BRCA1: variants seen among roughly 807,000 people sequenced by gnomAD.
BRCA1 encodes BRCA1 DNA repair associated.
Under a neutral mutation model 173.7 loss-of-function variants are expected in BRCA1, and 140 were observed. The observed-to-expected ratio is 0.81, with a 90% CI of 0.70 to 0.93. BRCA1 has a LOEUF of 0.93. Among genes scored for constraint, BRCA1 ranks in the 40% least tolerant of loss-of-function variants. The pLI, the probability that BRCA1 is intolerant of heterozygous loss-of-function variation, is 0.00. For missense variants in BRCA1, 1,983 were observed against 2,172.5 expected (o/e 0.91, Z 1.73); for synonymous variants, 662 against 756.0 (o/e 0.88, Z 2.04).
upstream of BRCA1, among the ~76,000 whole-genome samples, chr17:43,130,265 C>T (rs970164198): frequency 2.0e-5 from 3 of 152,188 alleles, no homozygotes; most frequent in African/African-American, 4.8e-5. Flanking sequence ...CCTTCCACCT[C>T]AGCCTCCCAA....
intron 2 of BRCA1, among the ~76,000 whole-genome samples, chr17:43,118,523 T>G (rs1423298867): frequency 1.3e-5 from 2 of 151,830 alleles, no homozygotes; most frequent in Non-Finnish European, 2.9e-5. Context: ...ACTAAAGGCA[T>G]GCACCACCAT....
At chr17:43,139,949 AT>A (rs1366017076) in intron 1 of BRCA1, 2 of 494,516 alleles carry the variant, frequency 4.0e-6, no homozygotes, top group Non-Finnish European at 8.4e-6. Flanking sequence ...GGATTCCTAA[AT>A]CCCTTGGAAT....
chr17:43,099,129 C>T (rs1567805501), intron 7 of BRCA1, among the ~76,000 whole-genome samples: 1 of 151,012 alleles, frequency 6.6e-6, no homozygotes, highest in African/African-American at 2.4e-5. Context: ...GGCAATTCAG[C>T]TCTTCTTAAA....
intron 1 of BRCA1, chr17:43,138,037 A>C: frequency 6.4e-6 from 1 of 155,842 alleles, no homozygotes. Context: ...AAATACAAAA[A>C]TTAGCCGGGC....
chr17:43,100,688 T>TC (rs1597891173), intron 6 of BRCA1, among the ~76,000 whole-genome samples: 1 of 98,806 alleles, frequency 1.0e-5, no homozygotes, highest in South Asian at 2.9e-4. Context: ...AATATATATA[T>TC]ATATATATAT....
At chr17:43,074,727 G>A (rs1324673541) in intron 13 of BRCA1, among the ~76,000 whole-genome samples, 1 of 143,298 alleles carries the variant, frequency 7.0e-6, no homozygotes, top group Non-Finnish European at 1.6e-5. Flanking sequence ...ATGGGGTTGG[G>A]TTGGTCTGAG....
chr17:43,047,968 T>G (rs1475274270), intron 21 of BRCA1, among the ~76,000 whole-genome samples: 2 of 151,708 alleles, frequency 1.3e-5, no homozygotes, highest in Non-Finnish European at 2.9e-5. Context: ...GAGACAGGGT[T>G]TTGCCATGTT....
At position 43,094,515 on chromosome 17, in the gene BRCA1, T is replaced by G. The variant is rs587781737; in HGVS notation, c.1016A>C (p.Lys339Thr). The G allele has an allele frequency of 4.3e-6, 7 of 1,613,864 alleles. No individual in the cohort carries two copies. The African/African-American group carries it at 9.3e-5, about 22-fold the overall frequency. The part of the protein sequence containing the change: ...NDRRTPSTEK[K>T]VDLNADPLCE... ...CAGGGGATCAGCATTCAGATCTACC[T>G]TTTTTTCTGTGCTGGGAGTCCGCCT... The change falls in exon 10 of 23, where the codon AAG becomes ACG. Residue 339 changes from lysine (K) to threonine (T), a missense_variant. Lys to Thr is a moderately conservative substitution (Grantham distance 78). Transcript: ENST00000357654.
chr17:43,158,726 A>C (rs1366860518), intron 1 of BRCA1, among the ~76,000 whole-genome samples: 1 of 152,244 alleles, frequency 6.6e-6, no homozygotes, highest in Non-Finnish European at 1.5e-5. Context: ...TTAACTACTG[A>C]ATATACAGAT....
chr17:43,161,828 A>G (rs2056237642), intron 1 of BRCA1: 1 of 152,182 alleles, frequency 6.6e-6, no homozygotes, highest in African/African-American at 2.4e-5. Flanking sequence ...ATCTGCTATT[A>G]CAGTTCCTCC....
At position 43,102,357 on chromosome 17, in the gene BRCA1, C is replaced by CTTTTTTTTTTTTTT. The variant is rs35584960; in HGVS notation, c.441+1751_441+1764dup. Among the ~76,000 whole-genome samples, 9 of 93,206 alleles carry CTTTTTTTTTTTTTT rather than the reference C, an allele frequency of 9.7e-5. 1 individual carries two copies. The highest frequency in any genetic ancestry group is 3.4e-4 in the East Asian group (1 of 2,950). 61.1% of individuals were successfully genotyped at this position (93,206 alleles called of 152,430 possible). A position where few individuals can be genotyped will look rare whatever the true frequency, so the allele number is the denominator to read the frequency against. The stretch of plus-strand genomic sequence containing the variant: ...AAGTGCTGGGATTACAGGCGTGAAG[C>CTTTTTTTTTTTTTT]TTTTTTTTTTTTTTTTTTGAGACGG... On this transcript the variant is annotated intron_variant, in intron 6 of 22. Transcript: ENST00000357654.
intron 15 of BRCA1, 110 bp downstream of exon 15, chr17:43,070,818 G>A (rs1161533034): frequency 1.3e-5 from 17 of 1,286,732 alleles, no homozygotes; most frequent in South Asian, 1.2e-5. Flanking sequence ...AACTGTGATT[G>A]TTTTCTAGAT....
At chr17:43,079,172 C>T in intron 12 of BRCA1, 2 of 685,092 alleles carry the variant, frequency 2.9e-6, no homozygotes, top group Non-Finnish European at 5.1e-6. Context: ...GAAACTTCAT[C>T]TCAAACAAAA....
intron 1 of BRCA1, among the ~76,000 whole-genome samples, chr17:43,154,997 G>A (rs2154581646): frequency 6.6e-6 from 1 of 152,260 alleles, no homozygotes; most frequent in Middle Eastern, 3.4e-3. Flanking sequence ...AGGGAGCAGA[G>A]AAGGCAAACC....
intron 1 of BRCA1, chr17:43,159,805 T>C: frequency 6.4e-6 from 1 of 156,772 alleles, no homozygotes; most frequent in Non-Finnish European, 1.4e-5. Context: ...CCCTGCCAAA[T>C]CCCCCTCTGG....
At chr17:43,109,087 C>T (rs930241494) in intron 3 of BRCA1, among the ~76,000 whole-genome samples, 5 of 135,342 alleles carry the variant, frequency 3.7e-5, no homozygotes, top group East Asian at 2.2e-4. Flanking sequence ...CTTGAACTCC[C>T]GACCTCAAGT....
chr17:43,079,525 C>A, intron 12 of BRCA1: 1 of 1,059,868 alleles, frequency 9.4e-7, no homozygotes. Context: ...GTTGGCATCG[C>A]TGTAAACAAG....
intron 1 of BRCA1, among the ~76,000 whole-genome samples, chr17:43,146,919 T>C (rs1448540264): frequency 6.6e-6 from 1 of 152,042 alleles, no homozygotes; most frequent in Non-Finnish European, 1.5e-5. Flanking sequence ...TCATTTTAGA[T>C]GGGAACCATG....
intron 16 of BRCA1, among the ~76,000 whole-genome samples, chr17:43,065,115 C>A (rs1424613953): frequency 6.6e-6 from 1 of 152,162 alleles, no homozygotes; most frequent in African/African-American, 2.4e-5. Context: ...CAGGCCTGAG[C>A]CACCACGCTT....
Sources: gnomAD v4.1 joint callset for allele counts (sites outside exome capture counted in the v4.1 genomes callset) on GRCh38, gnomAD v4.1.1 for gene constraint, MANE v1.5 for transcripts, NCBI Gene and HGNC (gene_info 2026-07-23, HGNC 2026-07-21) for gene names.